The following ZFYVE16 variants were observed in gnomAD, a reference collection of about 807,000 sequenced individuals.
ZFYVE16 encodes zinc finger FYVE domain-containing protein 16.
ZFYVE16 carries 89 observed loss-of-function variants against 138.1 expected under a neutral mutation model. The observed-to-expected ratio is 0.64, with a 90% CI of 0.54 to 0.77. ZFYVE16 has a LOEUF of 0.77. Among genes scored for constraint, ZFYVE16 ranks in the 30% least tolerant of loss-of-function variants. The probability of loss-of-function intolerance (pLI) is 0.00; values close to 1 mark genes in which losing one functional copy is unlikely to be tolerated. For synonymous variants in ZFYVE16, 596 were observed against 618.3 expected (o/e 0.96, Z 0.53); for missense variants, 1,793 against 1,786.7 (o/e 1.00, Z -0.06).
rs1373917019 is a variant in ZFYVE16, at chr5:80,438,352, ACT to A, written c.1670_1671del (p.Ser557Ter). ...AAGTCTTTTGAAGAAAATGTAAATGACTCTAAATCGCAAATGAATCAGATAGA... is the reference window on the plus strand; with the variant it reads ...AAGTCTTTTGAAGAAAATGTAAATGACTAAATCGCAAATGAATCAGATAGA... On this transcript the variant is annotated frameshift_variant, in exon 4 of 19. Coordinates refer to ENST00000505560, the MANE Select transcript of ZFYVE16 (RefSeq NM_001284236.3). LOFTEE classifies it high-confidence loss of function. 6.2e-7 allele frequency: 1 copy of A among 1,613,446 alleles called. No homozygotes were observed. Among genetic ancestry groups the A allele is most frequent in the Non-Finnish European group, 8.5e-7 (1 of 1,179,868 alleles).
intron 14 of ZFYVE16, 113 bp from the exon 15 acceptor site, chr5:80,459,301 G>T: frequency 1.5e-6 from 1 of 674,866 alleles, no homozygotes; most frequent in South Asian, 2.6e-5. Flanking sequence ...TTTAAGTTGT[G>T]TGGGTATAAC....
At position 80,474,696 on chromosome 5, in the gene ZFYVE16, A is replaced by G. The variant is rs1164552129; in HGVS notation, c.4327A>G (p.Ile1443Val). ...CTTTCTAAAGGACCAGGATTTATCT[A>G]TTTTATCAACTTCTTATCAGTTTGC... Reference protein sequence around the residue: ...FYFLKDQDLSILSTSYQFAKE... With the variant: ...FYFLKDQDLSVLSTSYQFAKE... The change falls in exon 18 of 19, where the codon ATT becomes GTT. Residue 1443 changes from isoleucine (I) to valine (V), a missense_variant. By Grantham distance (29) the Ile-to-Val change is conservative (BLOSUM62 3). Coordinates refer to ENST00000505560, the MANE Select transcript of ZFYVE16 (RefSeq NM_001284236.3). The G allele has an allele frequency of 6.2e-7, 1 of 1,613,706 alleles. No homozygotes were observed. Among genetic ancestry groups the G allele is most frequent in the Non-Finnish European group, 8.5e-7 (1 of 1,179,736 alleles).
chr5:80,437,224 A>C lies in ZFYVE16; in HGVS notation c.539A>C (p.His180Pro). 1 of 1,613,960 alleles carries C rather than the reference A, an allele frequency of 6.2e-7. No homozygotes were observed. Among genetic ancestry groups the C allele is most frequent in the Non-Finnish European group, 8.5e-7 (1 of 1,179,894 alleles). The part of the protein sequence containing the change: ...SDTPCVSSTD[H>P]DSDTVREQQN... ...ACTCCCTGTGTTTCTTCAACAGACC[A>C]TGATAGTGATACTGTCAGAGAACAA... The change falls in exon 4 of 19, where the codon CAT (histidine) becomes CCT (proline). Residue 180 changes from histidine (H) to proline (P), a missense_variant. Physicochemically the swap from His to Pro is moderately conservative, Grantham distance 77. Around this residue, in one of 2 missense-constraint regions of ZFYVE16, gnomAD observed 1,295 missense variants for 1,204.3 expected, o/e 1.08. Transcript: ENST00000505560.
chr5:80,433,981 T>G (rs1051312989), intron 2 of ZFYVE16, 128 bp from the exon 3 acceptor site: 11 of 586,770 alleles, frequency 1.9e-5, no homozygotes, highest in Non-Finnish European at 3.2e-5. Context: ...AATTGTATAT[T>G]CCTTAAAGCA....
At chr5:80,468,588 T>A (rs1753971270) in intron 15 of ZFYVE16, among the ~76,000 whole-genome samples, 1 of 152,234 alleles carries the variant, frequency 6.6e-6, no homozygotes, top group Admixed American at 6.5e-5. Flanking sequence ...GATCCCTCAT[T>A]GACTGAAATG....
intron 3 of ZFYVE16, chr5:80,435,855 G>GCA: frequency 4.1e-6 from 1 of 245,854 alleles, no homozygotes; most frequent in South Asian, 3.5e-5. Flanking sequence ...GATTACAGTT[G>GCA]TAAGCCACCA....
chr5:80,455,555 T>A, intron 11 of ZFYVE16, 137 bp from the exon 12 acceptor site: 2 of 727,540 alleles, frequency 2.7e-6, no homozygotes, highest in Non-Finnish European at 4.4e-6. Context: ...AAAAATTATC[T>A]CTCACTTTCC....
At chr5:80,424,237 G>A (rs961353651) in intron 1 of ZFYVE16, among the ~76,000 whole-genome samples, 3 of 152,002 alleles carry the variant, frequency 2.0e-5, no homozygotes, top group African/African-American at 7.2e-5. Context: ...CATTTTTAAT[G>A]CTGTCACTGT....
intron 6 of ZFYVE16, chr5:80,444,013 C>CT (rs1459467804): frequency 6.1e-6 from 2 of 326,686 alleles, no homozygotes; most frequent in African/African-American, 2.2e-5. Flanking sequence ...ATTTTTAAAT[C>CT]TTTGAGTTGT....
chr5:80,451,977 T>TGCAG, intron 11 of ZFYVE16: 2 of 359,512 alleles, frequency 5.6e-6, no homozygotes, highest in Non-Finnish European at 1.0e-5. Context: ...ACTTTCACAG[T>TGCAG]GCAGGTTGAG....
intron 3 of ZFYVE16, among the ~76,000 whole-genome samples, chr5:80,435,519 G>T (rs924530913): frequency 6.6e-6 from 1 of 152,296 alleles, no homozygotes; most frequent in Admixed American, 6.5e-5. Context: ...AAACAAAGAC[G>T]TTGGATTGTT....
chr5:80,443,406 G>A, intron 6 of ZFYVE16, 122 bp downstream of exon 6: 1 of 1,184,126 alleles, frequency 8.4e-7, no homozygotes, highest in South Asian at 1.5e-5. Flanking sequence ...ATTTAATACA[G>A]GGAATTGGTT....
intron 12 of ZFYVE16, 192 bp downstream of exon 12, chr5:80,455,966 A>G (rs897636203): frequency 1.2e-4 from 65 of 529,782 alleles, no homozygotes; most frequent in Non-Finnish European, 1.3e-4. Flanking sequence ...AGAACGTACT[A>G]TCTCCTCATG....
At chr5:80,416,317 G>A (rs1289876431) in intron 1 of ZFYVE16, among the ~76,000 whole-genome samples, 1 of 143,190 alleles carries the variant, frequency 7.0e-6, no homozygotes, top group African/African-American at 2.6e-5. Flanking sequence ...GTGCAGTGGC[G>A]TGATCTCGGC....
intron 15 of ZFYVE16, among the ~76,000 whole-genome samples, chr5:80,465,088 T>G (rs915993890): frequency 2.0e-5 from 3 of 152,076 alleles, no homozygotes; most frequent in Admixed American, 2.0e-4. Context: ...CAAAATACAT[T>G]TATGTTCTTA....
chr5:80,440,459 TGA>T (rs1750542587), intron 5 of ZFYVE16: 1 of 985,544 alleles, frequency 1.0e-6, no homozygotes, highest in Non-Finnish European at 1.2e-6. Context: ...CAACCTAAAA[TGA>T]GAGTAGAAGA....
At chr5:80,440,453 C>T in intron 5 of ZFYVE16, 1 of 985,638 alleles carries the variant, frequency 1.0e-6, no homozygotes, top group African/African-American at 1.7e-5. Context: ...AAATAACAAC[C>T]TAAAATGAGA....
Position 80,480,763 on chromosome 5 carries a change from T to TA in ZFYVE16, c.*3393dup, listed in dbSNP as rs913245457. On this transcript the variant is annotated 3_prime_UTR_variant, in exon 19 of 19. Coordinates refer to ENST00000505560, the MANE Select transcript of ZFYVE16 (RefSeq NM_001284236.3). ...CAGGGAGACACTGTCTCTGCAAAAT[T>TA]AAAAAAATTTTGCCAGGTGTGGTGG... Among the ~76,000 whole-genome samples the TA allele has an allele frequency of 1.3e-5, 2 of 151,754 alleles. No homozygotes were observed. Among genetic ancestry groups the TA allele is most frequent in the African/African-American group, 4.8e-5 (2 of 41,304 alleles).
intron 14 of ZFYVE16, among the ~76,000 whole-genome samples, chr5:80,457,803 G>A (rs182039604): frequency 9.9e-5 from 15 of 151,860 alleles, no homozygotes; most frequent in Admixed American, 9.2e-4. Flanking sequence ...TGAGGTGAGC[G>A]GATCACAAGG....
Sources: allele counts gnomAD v4.1 joint callset (sites outside exome capture counted in the v4.1 genomes callset), GRCh38; gene constraint gnomAD v4.1.1; regional missense constraint gnomAD v4.1.1; transcripts MANE v1.5; gene names NCBI Gene and HGNC (gene_info 2026-07-23, HGNC 2026-07-21).